METTL25: variants seen among roughly 807,000 people sequenced by gnomAD.
The protein encoded by METTL25 is methyltransferase like 25.
Under a neutral mutation model 71.6 loss-of-function variants are expected in METTL25, and 64 were observed. The ratio of observed to expected loss-of-function variants is 0.89; its 90% CI spans 0.73 to 1.10. METTL25 has a LOEUF of 1.10. Ranked by LOEUF, METTL25 falls within the 50% of genes least tolerant of loss-of-function variation. The pLI, the probability that METTL25 is intolerant of heterozygous loss-of-function variation, is 0.00. For synonymous variants in METTL25, 287 were observed against 250.3 expected, an observed-to-expected ratio of 1.15 and a Z score of -1.38; for missense variants, 807 against 707.0, an observed-to-expected ratio of 1.14 and a Z score of -1.60.
At chr12:82,477,735 A>G (rs1892960511) in intron 11 of METTL25, among the ~76,000 whole-genome samples, 1 of 151,760 alleles carries the variant, frequency 6.6e-6, no homozygotes, top group African/African-American at 2.4e-5. Context: ...TGTTGGCCAT[A>G]TGGATTCTGC....
At position 82,403,101 on chromosome 12, in the gene METTL25, T is replaced by C. The variant is rs1565833971; in HGVS notation, c.1250T>C (p.Leu417Ser). 6.2e-7 allele frequency: 1 copy of C among 1,612,600 alleles called. No individual in the cohort carries two copies. Among genetic ancestry groups the C allele is most frequent in the Non-Finnish European group, 8.5e-7 (1 of 1,179,354 alleles). ...VCSVGCCYHLLSEEFENQHKE... is the reference protein window; with the variant it reads ...VCSVGCCYHLSSEEFENQHKE... Reference sequence around the variant, plus strand: ...AGTGTGGGTTGTTGCTACCACCTCTTATCTGAAGAATTTGAAAACCAGCAT... The same window carrying C: ...AGTGTGGGTTGTTGCTACCACCTCTCATCTGAAGAATTTGAAAACCAGCAT... The change falls in exon 5 of 12, where the codon TTA becomes TCA. Residue 417 changes from leucine to serine, a missense_variant. Coordinates refer to ENST00000248306, the MANE Select transcript of METTL25 (RefSeq NM_032230.3).
At chr12:82,402,644 A>G (rs954197804) in intron 4 of METTL25, among the ~76,000 whole-genome samples, 12 of 152,236 alleles carry the variant, frequency 7.9e-5, no homozygotes, top group Non-Finnish European at 1.3e-4. Flanking sequence ...ACAGCTTTAC[A>G]TATTTTAATG....
Position 82,478,976 on chromosome 12 carries a change from G to A in METTL25, c.1764G>A (p.Val588=), listed in dbSNP as rs772150472. The part of the protein sequence containing the change: ...WSALVKLFDP[V]KSPRCYAVIA... ...CTCTTGTGAAGTTGTTTGATCCCGT[G>A]AAATCTCCCAGATGTTATGCTGTTA... is the stretch of plus-strand genomic sequence containing the variant. Residue 588 remains valine, a synonymous_variant, in exon 12 of 12, where the codon GTG becomes GTA. Transcript: ENST00000248306. 1.2e-6 allele frequency: 2 copies of A among 1,612,778 alleles called. No homozygotes were observed. Among genetic ancestry groups the A allele is most frequent in the Admixed American group, 3.3e-5 (2 of 59,978 alleles).
chr12:82,411,139 T>C (rs758859753), intron 5 of METTL25, among the ~76,000 whole-genome samples: 2 of 152,042 alleles, frequency 1.3e-5, no homozygotes, highest in Non-Finnish European at 2.9e-5. Flanking sequence ...ACAAGAATGC[T>C]GAAGTCCTCA....
intron 9 of METTL25, among the ~76,000 whole-genome samples, chr12:82,465,876 A>T (rs1592769896): frequency 6.6e-6 from 1 of 151,060 alleles, no homozygotes; most frequent in South Asian, 2.1e-4. Flanking sequence ...GCATTTTCTA[A>T]TTTTTTGGTG....
intron 8 of METTL25, among the ~76,000 whole-genome samples, chr12:82,446,203 A>G (rs1196394995): frequency 6.6e-6 from 1 of 152,206 alleles, no homozygotes; most frequent in Non-Finnish European, 1.5e-5. Context: ...AAAGGGAGAG[A>G]TAGATTGCAA....
intron 8 of METTL25, among the ~76,000 whole-genome samples, chr12:82,450,787 A>C (rs1891087549): frequency 6.6e-6 from 1 of 152,090 alleles, no homozygotes; most frequent in Non-Finnish European, 1.5e-5. Context: ...AGGGCCTTTA[A>C]TTATGCCACA....
intron 5 of METTL25, among the ~76,000 whole-genome samples, chr12:82,406,140 T>G (rs567372891): frequency 3.5e-4 from 53 of 152,182 alleles, no homozygotes; most frequent in Non-Finnish European, 7.5e-4. Flanking sequence ...CAGTGCCAAC[T>G]GTGTTCCACT....
At position 82,471,201 on chromosome 12, in the gene METTL25, A is replaced by C. The variant is rs539744847; in HGVS notation, c.1573-5443A>C. 2.3e-4 allele frequency among the ~76,000 whole-genome samples: 35 copies of C among 152,338 alleles called. No homozygotes were observed. The South Asian group carries it at 7.3e-3, about 32-fold the overall frequency. On this transcript the variant is annotated intron_variant, in intron 9 of 11. Coordinates refer to ENST00000248306, the MANE Select transcript of METTL25 (RefSeq NM_032230.3). ...TTCTTAAATTGATGCAACATGCATA[A>C]ACCTGGGAATTTGAAATTAAAGCTC...
chr12:82,383,745 A>T (rs1346616807), intron 1 of METTL25, among the ~76,000 whole-genome samples: 1 of 152,026 alleles, frequency 6.6e-6, no homozygotes, highest in African/African-American at 2.4e-5. Flanking sequence ...GTTTTACTTT[A>T]TTTTTATTTT....
At chr12:82,369,731 G>A (rs1318804997) in intron 1 of METTL25, among the ~76,000 whole-genome samples, 11 of 152,078 alleles carry the variant, frequency 7.2e-5, no homozygotes, top group South Asian at 2.1e-4. Flanking sequence ...CCCCACCCAC[G>A]TCCTGCTGAT....
At chr12:82,447,669 T>C (rs1365075057) in intron 8 of METTL25, among the ~76,000 whole-genome samples, 1 of 151,904 alleles carries the variant, frequency 6.6e-6, no homozygotes. Context: ...AATGATAAGG[T>C]AGGGAAGAGG....
chr12:82,417,292 T>C (rs1212157793), intron 5 of METTL25, among the ~76,000 whole-genome samples: 1 of 152,166 alleles, frequency 6.6e-6, no homozygotes, highest in Non-Finnish European at 1.5e-5. Flanking sequence ...ATAAAAGTGA[T>C]GTAGATGCAT....
chr12:82,455,800 G>T (rs993761164), intron 8 of METTL25, among the ~76,000 whole-genome samples: 1 of 151,932 alleles, frequency 6.6e-6, no homozygotes, highest in South Asian at 2.1e-4. Flanking sequence ...CCAATAAATG[G>T]GAGAGGTATT....
chr12:82,390,679 T>G (rs776648043), intron 3 of METTL25, among the ~76,000 whole-genome samples: 14 of 152,080 alleles, frequency 9.2e-5, no homozygotes, highest in Non-Finnish European at 1.8e-4. Context: ...GGCATAGGCT[T>G]GCAGAGCCAC....
intron 1 of METTL25, among the ~76,000 whole-genome samples, chr12:82,371,042 G>A (rs1883181560): frequency 6.6e-6 from 1 of 152,216 alleles, no homozygotes; most frequent in Non-Finnish European, 1.5e-5. Flanking sequence ...AGGATTAAAT[G>A]AACACACTTA....
chr12:82,478,851 A>G (rs897388623), intron 11 of METTL25, 81 bp from the exon 12 acceptor site: 3 of 1,035,874 alleles, frequency 2.9e-6, no homozygotes, highest in African/African-American at 1.6e-5. Context: ...TATTTTTTAT[A>G]TTACAATATA....
At chr12:82,472,844 G>C (rs7953234) in intron 9 of METTL25, among the ~76,000 whole-genome samples, 7,217 of 152,162 alleles carry the variant, frequency 0.047, 196 homozygotes, top group African/African-American at 0.078. Context: ...ACTACTAGAG[G>C]ATTACTGTGT....
At chr12:82,424,151 G>C (rs1888775046) in intron 5 of METTL25, among the ~76,000 whole-genome samples, 1 of 152,136 alleles carries the variant, frequency 6.6e-6, no homozygotes, top group African/African-American at 2.4e-5. Context: ...GTCCAACAAT[G>C]ATAGACTGGA....
Sources: allele counts gnomAD v4.1 joint callset (sites outside exome capture counted in the v4.1 genomes callset), GRCh38; gene constraint gnomAD v4.1.1; transcripts MANE v1.5; gene names NCBI Gene and HGNC (gene_info 2026-07-23, HGNC 2026-07-21).